HES6: variants seen among roughly 807,000 people sequenced by gnomAD.
HES6 encodes transcription cofactor HES-6.
A neutral mutation model predicts 16.4 loss-of-function variants in HES6; 24 were observed. That is an observed-to-expected ratio of 1.46 (90% confidence interval 1.06 to 2.06). The LOEUF is 2.06. Ranked by LOEUF, HES6 falls within the 30% of genes most tolerant of loss-of-function variation. The probability of loss-of-function intolerance (pLI) is 0.00; values close to 1 mark genes in which losing one functional copy is unlikely to be tolerated. For missense variants in HES6, 355 were observed against 317.6 expected (o/e 1.12, Z -0.90); for synonymous variants, 159 against 144.3 (o/e 1.10, Z -0.73).
Position 238,239,722 on chromosome 2 carries a change from T to C in HES6, c.107A>G (p.Lys36Arg). The C allele has an allele frequency of 7.4e-7, 1 of 1,344,046 alleles. No individual in the cohort carries two copies. Among genetic ancestry groups the C allele is most frequent in the Non-Finnish European group, 9.6e-7 (1 of 1,040,306 alleles). 83.3% of individuals were successfully genotyped at this position (1,344,046 alleles called of 1,614,324 possible). Residue 36 changes from lysine to arginine, a missense_variant, in exon 2 of 4, where the codon AAG becomes AGG. Lys to Arg is a conservative substitution (Grantham distance 26). Transcript: ENST00000272937. The stretch of plus-strand genomic sequence containing the variant: ...GCTCTCGTTGATCCGCGCGCGCCGC[T>C]TCTTCTCCACCAGGGGCTTCCGGGC... ...RKARKPLVEK[K>R]RRARINESLQ...
chr2:238,239,988 T>C lies in HES6; in HGVS notation c.-83A>G, dbSNP rs1217969967. 5.7e-6 allele frequency: 5 copies of C among 881,366 alleles called. No individual in the cohort carries two copies. The highest frequency in any genetic ancestry group is 5.8e-6 in the Non-Finnish European group (4 of 689,266). 54.6% of individuals were successfully genotyped at this position (881,366 alleles called of 1,614,324 possible). ...GGACCGGAGTGCCGGCGCCCTCCGC[T>C]GCCCCGCGGCCGCCCAGCAGCAGCC... On this transcript the variant is annotated 5_prime_UTR_variant, in exon 1 of 4. Coordinates refer to ENST00000272937, the MANE Select transcript of HES6 (RefSeq NM_018645.6).
intron 2 of HES6, 39 bp from the exon 3 acceptor site, chr2:238,239,607 C>G: frequency 3.5e-6 from 4 of 1,150,414 alleles, no homozygotes; most frequent in Non-Finnish European, 4.3e-6. Flanking sequence ...GCAGCGCGCT[C>G]CCGGACCCGC....
In HES6 at chr2:238,238,534, G is replaced by T; in HGVS notation, c.*293C>A. ...GCCCGCACAGGGCTGGTGAAGCCTG[G>T]GTGGGTGAACCTGGGAGAGCGCTGG... On this transcript the variant is annotated 3_prime_UTR_variant, in exon 4 of 4. Transcript: ENST00000272937. 1 of 437,760 alleles carries T rather than the reference G, an allele frequency of 2.3e-6. No homozygotes were observed. The highest frequency in any genetic ancestry group is 2.6e-5 in the South Asian group (1 of 37,942). The allele number at this position is 437,760 out of a possible 1,614,324, so 27.1% of individuals were successfully genotyped here. A position where few individuals can be genotyped will look rare whatever the true frequency, so the allele number is the denominator to read the frequency against.
chr2:238,238,603 C>T lies in HES6; in HGVS notation c.*224G>A, dbSNP rs1221251156. ...CCTCCTGCCCGTAGCTCCCTCCCTC[C>T]ACCCACTCCAGAGCTGCAGGGTCCC... On this transcript the variant is annotated 3_prime_UTR_variant, in exon 4 of 4. Coordinates refer to ENST00000272937, the MANE Select transcript of HES6 (RefSeq NM_018645.6). 11 of 561,412 alleles carry T rather than the reference C, an allele frequency of 2.0e-5. No individual in the cohort carries two copies. The highest frequency in any genetic ancestry group is 3.4e-5 in the Non-Finnish European group (11 of 322,584). The allele number at this position is 561,412 out of a possible 1,614,324, so 34.8% of individuals were successfully genotyped here.
rs540600980 is a variant in HES6, at chr2:238,238,658, C to T, written c.*169G>A. 4.0e-5 allele frequency: 27 copies of T among 667,784 alleles called. 1 individual carries two copies. The South Asian group carries it at 4.8e-4, about 12-fold the overall frequency. The allele number at this position is 667,784 out of a possible 1,614,324, so 41.4% of individuals were successfully genotyped here. ...AGTTTCTTAAGAAACGGGGCTGGGGCCTGACTGGGCTGGTTACCAGGGGCT... is the reference window on the plus strand; with the variant it reads ...AGTTTCTTAAGAAACGGGGCTGGGGTCTGACTGGGCTGGTTACCAGGGGCT... On this transcript the variant is annotated 3_prime_UTR_variant, in exon 4 of 4. Transcript: ENST00000272937.
rs1419579642 is a variant in HES6, at chr2:238,238,750, AC to A, written c.*76del. On this transcript the variant is annotated 3_prime_UTR_variant, in exon 4 of 4. Coordinates refer to ENST00000272937, the MANE Select transcript of HES6 (RefSeq NM_018645.6). ...GAGACTTCCAGGGCCCTACCCCACCACATCTGAACCCCTGGGAGGAGGGAGG... is the reference window on the plus strand; with the variant it reads ...GAGACTTCCAGGGCCCTACCCCACCAATCTGAACCCCTGGGAGGAGGGAGG... 7.2e-7 allele frequency: 1 copy of A among 1,394,626 alleles called. No homozygotes were observed. The highest frequency in any genetic ancestry group is 2.5e-5 in the East Asian group (1 of 40,210). The allele number at this position is 1,394,626 out of a possible 1,614,324, so 86.4% of individuals were successfully genotyped here. A position where few individuals can be genotyped will look rare whatever the true frequency, so the allele number is the denominator to read the frequency against.
chr2:238,239,716 C>T lies in HES6; in HGVS notation c.113G>A (p.Arg38His), dbSNP rs1232897501. ...ARKPLVEKKR[R>H]ARINESLQEL... Reference sequence around the variant, plus strand: ...CTGCAGGCTCTCGTTGATCCGCGCGCGCCGCTTCTTCTCCACCAGGGGCTT... The same window carrying T: ...CTGCAGGCTCTCGTTGATCCGCGCGTGCCGCTTCTTCTCCACCAGGGGCTT... Residue 38 changes from arginine (R) to histidine (H), a missense_variant, in exon 2 of 4, where the codon CGC becomes CAC. Physicochemically the swap from Arg to His is conservative, Grantham distance 29. Transcript: ENST00000272937. 16 of 1,346,186 alleles carry T rather than the reference C, an allele frequency of 1.2e-5. No individual in the cohort carries two copies. Among genetic ancestry groups the T allele is most frequent in the Non-Finnish European group, 1.3e-5 (14 of 1,042,636 alleles). 83.4% of individuals were successfully genotyped at this position (1,346,186 alleles called of 1,614,324 possible).
At chr2:238,239,611 G>GGGGCCCCCCCCC in intron 2 of HES6, 43 bp from the exon 3 acceptor site, 4 of 1,135,680 alleles carry the variant, frequency 3.5e-6, no homozygotes, top group East Asian at 4.6e-5. Flanking sequence ...CGCGCTCCCG[G>GGGGCCCCCCCCC]ACCCGCCCGC....
In HES6 at chr2:238,239,019, C is replaced by G. The variant is rs759449889; in HGVS notation, c.483G>C (p.Trp161Cys). Residue 161 changes from tryptophan to cysteine, a missense_variant, in exon 4 of 4, where the codon TGG becomes TGC. Transcript: ENST00000272937. ...GPPRAPGRSG[W>C]PAGGAPGSPI... ...GGGATCCCGGAGCGCCCCCCGCAGG[C>G]CAGCCACTCCGTCCAGGGGCTCTAG... 4.3e-6 allele frequency: 7 copies of G among 1,609,414 alleles called. No homozygotes were observed. In the Admixed American group the frequency reaches 1.2e-4, roughly 27 times the overall value.
chr2:238,238,731 TC>T lies in HES6; in HGVS notation c.*95del. 1 of 1,265,704 alleles carries T rather than the reference TC, an allele frequency of 7.9e-7. No individual in the cohort carries two copies. Among genetic ancestry groups the T allele is most frequent in the South Asian group, 1.4e-5 (1 of 74,022 alleles). The allele number at this position is 1,265,704 out of a possible 1,614,324, so 78.4% of individuals were successfully genotyped here. On this transcript the variant is annotated 3_prime_UTR_variant, in exon 4 of 4. Coordinates refer to ENST00000272937, the MANE Select transcript of HES6 (RefSeq NM_018645.6). ...GGAGGGAGGGAAGACCTGGGAGACT[TC>T]CAGGGCCCTACCCCACCACATCTGA...
At position 238,239,667 on chromosome 2, in the gene HES6, G is replaced by T. The variant is rs1695259980; in HGVS notation, c.162C>A (p.Gly54=). 3 of 1,156,230 alleles carry T rather than the reference G, an allele frequency of 2.6e-6. No individual in the cohort carries two copies. Among genetic ancestry groups the T allele is most frequent in the African/African-American group, 3.3e-5 (2 of 60,788 alleles). 71.6% of individuals were successfully genotyped at this position (1,156,230 alleles called of 1,614,324 possible). ...SLQELRLLLA[G]AEVQAKLENA... is the part of the protein sequence containing the mutation. ...GCCTGCCCGGCCGCCGCACCTCGGC[G>T]CCCGCCAGCAGCAGCCGCAGCTCCT... Residue 54 remains glycine, a synonymous_variant, in exon 2 of 4, where the codon GGC becomes GGA. Transcript: ENST00000272937.
intron 2 of HES6, 41 bp from the exon 3 acceptor site, chr2:238,239,609 C>CGGGG: frequency 1.6e-5 from 18 of 1,145,368 alleles, no homozygotes; most frequent in Non-Finnish European, 1.9e-5. Context: ...AGCGCGCTCC[C>CGGGG]GGACCCGCCC....
chr2:238,238,710 G>A lies in HES6; in HGVS notation c.*117C>T, dbSNP rs1031030617. On this transcript the variant is annotated 3_prime_UTR_variant, in exon 4 of 4. Coordinates refer to ENST00000272937, the MANE Select transcript of HES6 (RefSeq NM_018645.6). ...CCCTGCAAGCCATCCATCAGAGGAG[G>A]GAGGGAAGACCTGGGAGACTTCCAG... 3.0e-6 allele frequency: 3 copies of A among 1,007,210 alleles called. No individual in the cohort carries two copies. In the African/African-American group the frequency reaches 4.9e-5, roughly 17 times the overall value. 62.4% of individuals were successfully genotyped at this position (1,007,210 alleles called of 1,614,324 possible). A position where few individuals can be genotyped will look rare whatever the true frequency, so the allele number is the denominator to read the frequency against.
rs768262678 is a variant in HES6 at position 238,239,214 on chromosome 2, G to A, written c.288C>T (p.Phe96=). The change falls in exon 4 of 4, where the codon TTC becomes TTT. Residue 96 remains phenylalanine (F), a synonymous_variant. Transcript: ENST00000272937. ...EQLQAEASER[F]AAGYIQCMHE... ...GCATGCACTGGATGTAGCCGGCAGC[G>A]AAGCGCTCGCTCGCTTCCGCCTGCA... 4.3e-6 allele frequency: 7 copies of A among 1,610,514 alleles called. No homozygotes were observed. Among genetic ancestry groups the A allele is most frequent in the Non-Finnish European group, 5.9e-6 (7 of 1,179,428 alleles).
Position 238,238,998 on chromosome 2 carries a change from T to A in HES6, c.504A>T (p.Gly168=), listed in dbSNP as rs1292468937. 6.2e-7 allele frequency: 1 copy of A among 1,604,572 alleles called. No homozygotes were observed. Among genetic ancestry groups the A allele is most frequent in the Non-Finnish European group, 8.5e-7 (1 of 1,177,458 alleles). ...RSGWPAGGAP[G]SPIPSPPGPG... Reference sequence around the variant, plus strand: ...GACCCGGGGGGCTGGGTATTGGGGATCCCGGAGCGCCCCCCGCAGGCCAGC... The same window carrying A: ...GACCCGGGGGGCTGGGTATTGGGGAACCCGGAGCGCCCCCCGCAGGCCAGC... The change falls in exon 4 of 4, where the codon GGA becomes GGT. Residue 168 remains glycine, a synonymous_variant. Coordinates refer to ENST00000272937, the MANE Select transcript of HES6 (RefSeq NM_018645.6).
chr2:238,238,648 G>C lies in HES6; in HGVS notation c.*179C>G. On this transcript the variant is annotated 3_prime_UTR_variant, in exon 4 of 4. Coordinates refer to ENST00000272937, the MANE Select transcript of HES6 (RefSeq NM_018645.6). The stretch of plus-strand genomic sequence containing the variant: ...GGTCCCTAAAAGTTTCTTAAGAAAC[G>C]GGGCTGGGGCCTGACTGGGCTGGTT... 1 of 632,494 alleles carries C rather than the reference G, an allele frequency of 1.6e-6. No homozygotes were observed. Among genetic ancestry groups the C allele is most frequent in the Non-Finnish European group, 2.7e-6 (1 of 373,018 alleles). The allele number at this position is 632,494 out of a possible 1,614,324, so 39.2% of individuals were successfully genotyped here. A position where few individuals can be genotyped will look rare whatever the true frequency, so the allele number is the denominator to read the frequency against.
At chr2:238,239,294 T>C in intron 3 of HES6, 43 bp from the exon 4 acceptor site, 1 of 1,570,106 alleles carries the variant, frequency 6.4e-7, no homozygotes, top group East Asian at 2.3e-5. Context: ...TCCCGCGCGG[T>C]GAGCGGCGAC....
intron 1 of HES6, 29 bp downstream of exon 1, chr2:238,239,796 G>A (rs1255141252): frequency 6.4e-6 from 9 of 1,401,090 alleles, no homozygotes; most frequent in Non-Finnish European, 1.9e-6. Flanking sequence ...CCTCCCGCCC[G>A]CTTGCTCGCC....
rs540600980 is a variant in HES6, at chr2:238,238,658, C to A, written c.*169G>T. The stretch of plus-strand genomic sequence containing the variant: ...AGTTTCTTAAGAAACGGGGCTGGGG[C>A]CTGACTGGGCTGGTTACCAGGGGCT... On this transcript the variant is annotated 3_prime_UTR_variant, in exon 4 of 4. Coordinates refer to ENST00000272937, the MANE Select transcript of HES6 (RefSeq NM_018645.6). 3.4e-5 allele frequency: 23 copies of A among 667,900 alleles called. No homozygotes were observed. Among genetic ancestry groups the A allele is most frequent in the African/African-American group, 2.7e-4 (15 of 54,590 alleles). 41.4% of individuals were successfully genotyped at this position (667,900 alleles called of 1,614,324 possible).
Sources: gnomAD v4.1 joint callset for allele counts on GRCh38, gnomAD v4.1.1 for gene constraint, MANE v1.5 for transcripts, NCBI Gene and HGNC (gene_info 2026-07-23, HGNC 2026-07-21) for gene names.